PRKAG2: variants seen among roughly 807,000 people sequenced by gnomAD.
The protein encoded by PRKAG2 is protein kinase AMP-activated non-catalytic subunit gamma 2, also known as 5'-AMP-activated protein kinase subunit gamma-2.
Under a neutral mutation model 69.6 loss-of-function variants are expected in PRKAG2, and 26 were observed. The observed-to-expected ratio is 0.37, with a 90% CI of 0.27 to 0.52. The LOEUF is 0.52. Among genes scored for constraint, PRKAG2 ranks in the 20% least tolerant of loss-of-function variants. The pLI is 0.90. For missense variants in PRKAG2, 557 were observed against 740.0 expected, an observed-to-expected ratio of 0.75 and a Z score of 2.87; for synonymous variants, 293 against 285.0, an observed-to-expected ratio of 1.03 and a Z score of -0.28.
At chr7:151,870,788 C>T (rs1416972735) in intron 1 of PRKAG2, among the ~76,000 whole-genome samples, 1 of 152,234 alleles carries the variant, frequency 6.6e-6, no homozygotes, top group African/African-American at 2.4e-5. Context: ...GCGGGGCTTC[C>T]CTTGAGGCCA....
chr7:151,794,016 G>A (rs2077377134), intron 1 of PRKAG2, among the ~76,000 whole-genome samples: 1 of 152,204 alleles, frequency 6.6e-6, no homozygotes, highest in Non-Finnish European at 1.5e-5. Context: ...ACTTCCTGAT[G>A]TCAAAAGAAA....
At chr7:151,561,498 G>A (rs1319930723) in intron 14 of PRKAG2, among the ~76,000 whole-genome samples, 1 of 152,194 alleles carries the variant, frequency 6.6e-6, no homozygotes, top group East Asian at 1.9e-4. Flanking sequence ...GGATAAATGA[G>A]CTATAATGAA....
At position 151,835,510 on chromosome 7, in the gene PRKAG2, A is replaced by G. The variant is rs2079126798; in HGVS notation, c.114+40997T>C. Among the ~76,000 whole-genome samples, 1 of 152,122 alleles carries G rather than the reference A, an allele frequency of 6.6e-6. No individual in the cohort carries two copies. Among genetic ancestry groups the G allele is most frequent in the Non-Finnish European group, 1.5e-5 (1 of 68,002 alleles). On this transcript the variant is annotated intron_variant, in intron 1 of 15. Coordinates refer to ENST00000287878, the MANE Select transcript of PRKAG2 (RefSeq NM_016203.4). This position sits in a 1 kb window ranked among gnomAD's most constrained non-coding sequence, Gnocchi z 4.1. ...CACTCGACACCCTTAGAAAGTTTTC[A>G]GAAATTGCTCTTGTCTGCCTGCTTA...
intron 3 of PRKAG2, among the ~76,000 whole-genome samples, chr7:151,703,518 T>C (rs1022024095): frequency 4.3e-4 from 24 of 56,380 alleles, no homozygotes; most frequent in Non-Finnish European, 7.0e-4. Context: ...AAATGTTTTA[T>C]GGAGCATAAT....
chr7:151,821,055 TGTGG>T (rs1563728649), intron 1 of PRKAG2, among the ~76,000 whole-genome samples: 4 of 6,992 alleles, frequency 5.7e-4, no homozygotes, highest in African/African-American at 8.6e-4. Flanking sequence ...GAAGGAAAGC[TGTGG>T]AGACAGGGAA....
intron 3 of PRKAG2, chr7:151,736,193 C>A: frequency 7.1e-7 from 1 of 1,416,740 alleles, no homozygotes; most frequent in African/African-American, 1.4e-5. Context: ...GGCGACCTCA[C>A]CGCAGCCCCA....
chr7:151,740,848 G>T (rs2151710756), intron 3 of PRKAG2, among the ~76,000 whole-genome samples: 2 of 152,216 alleles, frequency 1.3e-5, no homozygotes, highest in African/African-American at 4.8e-5. Flanking sequence ...TGCCGGAGGG[G>T]ACCCCAGCCT....
At chr7:151,822,338 C>G (rs956667716) in intron 1 of PRKAG2, among the ~76,000 whole-genome samples, 38 of 151,846 alleles carry the variant, frequency 2.5e-4, no homozygotes, top group African/African-American at 9.0e-4. Flanking sequence ...AGGCCAGGGT[C>G]AAGGGCGGGG....
intron 1 of PRKAG2, among the ~76,000 whole-genome samples, chr7:151,855,094 T>C (rs372755224): frequency 0.13 from 1,183 of 8,826 alleles, 97 homozygotes; most frequent in African/African-American, 0.29. Context: ...ACACACACCA[T>C]CCTCCACACA....
intron 1 of PRKAG2, among the ~76,000 whole-genome samples, chr7:151,865,807 C>G (rs1481334222): frequency 2.0e-5 from 3 of 152,124 alleles, no homozygotes; most frequent in African/African-American, 7.2e-5. Context: ...ATCATGAGGT[C>G]AGGAGATTGA....
At chr7:151,723,735 G>A (rs1053193487) in intron 3 of PRKAG2, among the ~76,000 whole-genome samples, 4 of 152,172 alleles carry the variant, frequency 2.6e-5, no homozygotes, top group Non-Finnish European at 5.9e-5. Flanking sequence ...CACAGTCTTG[G>A]TGAAAGGTGT....
intron 3 of PRKAG2, among the ~76,000 whole-genome samples, chr7:151,727,569 C>T (rs1375428743): frequency 2.6e-5 from 4 of 152,212 alleles, no homozygotes; most frequent in Non-Finnish European, 5.9e-5. Context: ...GGGGTTTGCT[C>T]CTTTTTTCTG....
chr7:151,832,605 G>GGC (rs35436606), intron 1 of PRKAG2, among the ~76,000 whole-genome samples: 1 of 151,006 alleles, frequency 6.6e-6, no homozygotes, highest in African/African-American at 2.4e-5. Flanking sequence ...TGGGGGGGGG[G>GGC]TCCCAGCACA....
At chr7:151,786,614 G>A in intron 1 of PRKAG2, 73 bp from the exon 2 acceptor site, 1 of 1,226,290 alleles carries the variant, frequency 8.2e-7, no homozygotes, top group Non-Finnish European at 1.2e-6. Context: ...ACTCTACGTG[G>A]GTGTCACCTC....
chr7:151,726,580 A>G (rs1202353541), intron 3 of PRKAG2, among the ~76,000 whole-genome samples: 4 of 152,158 alleles, frequency 2.6e-5, no homozygotes, highest in African/African-American at 9.7e-5. Context: ...GGACGGACGC[A>G]GGAGTCGTTG....
At chr7:151,724,281 C>A (rs1307939560) in intron 3 of PRKAG2, among the ~76,000 whole-genome samples, 1 of 152,208 alleles carries the variant, frequency 6.6e-6, no homozygotes, top group Non-Finnish European at 1.5e-5. Context: ...TTGGGGGTCG[C>A]TTTGCATACA....
chr7:151,711,646 C>G (rs1257175123), intron 3 of PRKAG2, among the ~76,000 whole-genome samples: 2 of 152,182 alleles, frequency 1.3e-5, no homozygotes, highest in African/African-American at 4.8e-5. Context: ...AATATTATCC[C>G]CATTTTATGG....
At chr7:151,629,032 A>T (rs1487479017) in intron 5 of PRKAG2, among the ~76,000 whole-genome samples, 1 of 152,146 alleles carries the variant, frequency 6.6e-6, no homozygotes, top group Non-Finnish European at 1.5e-5. Context: ...AGTGAGGGAG[A>T]CACAGAGCAG....
rs970788695 is a variant in PRKAG2 at position 151,828,848 on chromosome 7, C to A, written c.115-42307G>T. ...ATCACTTAAGCTCAGGAGTTTGAGG[C>A]TGCAGTGAGCTATGATCACACCAAT... On this transcript the variant is annotated intron_variant, in intron 1 of 15. Coordinates refer to ENST00000287878, the MANE Select transcript of PRKAG2 (RefSeq NM_016203.4). This position sits in a 1 kb window ranked among gnomAD's most constrained non-coding sequence, Gnocchi z 4.6. 1.3e-5 allele frequency among the ~76,000 whole-genome samples: 2 copies of A among 152,084 alleles called. No individual in the cohort carries two copies. The highest frequency in any genetic ancestry group is 4.8e-5 in the African/African-American group (2 of 41,396).
Sources: gnomAD v4.1 joint callset for allele counts (sites outside exome capture counted in the v4.1 genomes callset) on GRCh38, gnomAD v4.1.1 for gene constraint, Gnocchi (gnomAD v3.1) non-coding constraint, MANE v1.5 for transcripts, NCBI Gene and HGNC (gene_info 2026-07-23, HGNC 2026-07-21) for gene names.